Variants in LRP4 observed in about 807,000 individuals in gnomAD.
The protein encoded by LRP4 is low-density lipoprotein receptor-related protein 4.
LRP4 carries 95 observed loss-of-function variants against 220.3 expected under a neutral mutation model. That is an observed-to-expected ratio of 0.43 (90% CI 0.37 to 0.51). The LOEUF (loss-of-function observed/expected upper bound fraction) is 0.51. Among genes scored for constraint, LRP4 ranks in the 20% least tolerant of loss-of-function variants. The pLI is 0.00. For missense variants in LRP4, 1,925 were observed against 2,567.0 expected (o/e 0.75, Z 5.40); for synonymous variants, 903 against 954.6 (o/e 0.95, Z 1.00).
At chr11:46,917,119 T>C (rs959264420) in intron 1 of LRP4, among the ~76,000 whole-genome samples, 1 of 152,238 alleles carries the variant, frequency 6.6e-6, no homozygotes, top group African/African-American at 2.4e-5. Context: ...AACCAATCTT[T>C]AAAACGAGTG....
intron 31 of LRP4, 126 bp downstream of exon 31, chr11:46,871,399 A>G: frequency 1.3e-6 from 1 of 771,224 alleles, no homozygotes; most frequent in East Asian, 2.7e-5. Context: ...GGCACAGGAA[A>G]AATCCCTAAA....
intron 33 of LRP4, among the ~76,000 whole-genome samples, 157 bp downstream of exon 33, chr11:46,868,443 C>T (rs1433492334): frequency 6.6e-6 from 1 of 152,134 alleles, no homozygotes; most frequent in Non-Finnish European, 1.5e-5. Flanking sequence ...GAGCAATTCC[C>T]AAAACCCAAG....
chr11:46,899,259 A>C lies in LRP4; in HGVS notation c.547+128T>G. On this transcript the variant is annotated intron_variant, in intron 5 of 37. Coordinates refer to ENST00000378623, the MANE Select transcript of LRP4 (RefSeq NM_002334.4). This position sits in a 1 kb window ranked among gnomAD's most constrained non-coding sequence, Gnocchi z 5.9. ...TGCTCCCTCCCTAGCTCAGCCTAGG[A>C]GGAGCTGCTGCTGAGGCACCCATGC... The C allele has an allele frequency of 2.1e-6, 2 of 932,228 alleles. No homozygotes were observed. The highest frequency in any genetic ancestry group is 3.5e-6 in the Non-Finnish European group (2 of 568,830). 57.7% of individuals were successfully genotyped at this position (932,228 alleles called of 1,614,324 possible). A position where few individuals can be genotyped will look rare whatever the true frequency, so the allele number is the denominator to read the frequency against.
At chr11:46,894,240 A>G (rs1194884652) in intron 12 of LRP4, among the ~76,000 whole-genome samples, 1 of 152,154 alleles carries the variant, frequency 6.6e-6, no homozygotes, top group African/African-American at 2.4e-5. Flanking sequence ...ATCCAGGTCA[A>G]TCAGAATATT....
chr11:46,868,456 G>A (rs1940761208), intron 33 of LRP4, 144 bp downstream of exon 33: 2 of 726,812 alleles, frequency 2.8e-6, no homozygotes, highest in Middle Eastern at 3.7e-4. Context: ...AACCCAAGCA[G>A]ACTGCTACCA....
intron 18 of LRP4, among the ~76,000 whole-genome samples, 153 bp from the exon 19 acceptor site, chr11:46,884,129 C>T (rs1158286097): frequency 6.6e-6 from 1 of 152,154 alleles, no homozygotes; most frequent in East Asian, 1.9e-4. Flanking sequence ...AATTTAGTGA[C>T]TTGAACTGCA....
Position 46,857,908 on chromosome 11 carries a change from T to C in LRP4, c.*1075A>G, listed in dbSNP as rs930688102. ...GAACATAGGAAGTTCAACAGGAAGT[T>C]TGACCCTCATGGATACTTCTCTTTA... On this transcript the variant is annotated 3_prime_UTR_variant, in exon 38 of 38. Coordinates refer to ENST00000378623, the MANE Select transcript of LRP4 (RefSeq NM_002334.4). 6.6e-6 allele frequency: 1 copy of C among 152,646 alleles called. No homozygotes were observed. Among genetic ancestry groups the C allele is most frequent in the Non-Finnish European group, 1.5e-5 (1 of 68,040 alleles). 9.5% of individuals were successfully genotyped at this position (152,646 alleles called of 1,614,324 possible). A position where few individuals can be genotyped will look rare whatever the true frequency, so the allele number is the denominator to read the frequency against.
rs1375253617 is a variant in LRP4, at chr11:46,873,417, C to G, written c.4406G>C (p.Ser1469Thr). Residue 1469 changes from serine to threonine, a missense_variant, in exon 29 of 38, where the codon AGC becomes ACC. Ser to Thr is a moderately conservative substitution (Grantham distance 58, BLOSUM62 1). Transcript: ENST00000378623. The surrounding 1 kb of genome is among the most constrained non-coding windows in gnomAD (Gnocchi z 4.2). Reference sequence around the variant, plus strand: ...AGCAATGGCCCGGGGCTCATCCAGGCTATTGTTGATCAGTACTTTGCGGCA... The same window carrying G: ...AGCAATGGCCCGGGGCTCATCCAGGGTATTGTTGATCAGTACTTTGCGGCA... ...GSCRKVLINN[S>T]LDEPRAIAVF... 1 of 1,614,076 alleles carries G rather than the reference C, an allele frequency of 6.2e-7. No homozygotes were observed.
At chr11:46,881,513 C>A (rs964066186) in intron 20 of LRP4, among the ~76,000 whole-genome samples, 189 bp downstream of exon 20, 1 of 152,170 alleles carries the variant, frequency 6.6e-6, no homozygotes, top group Non-Finnish European at 1.5e-5. Context: ...CTTTCCCACC[C>A]CTGCCCCCAA....
At chr11:46,884,881 C>T (rs1354216744) in intron 18 of LRP4, among the ~76,000 whole-genome samples, 3 of 152,110 alleles carry the variant, frequency 2.0e-5, no homozygotes, top group African/African-American at 7.2e-5. Flanking sequence ...CGCTGCACTC[C>T]AGCCTGGGCA....
chr11:46,875,127 T>G lies in LRP4; in HGVS notation c.3926-24A>C, dbSNP rs767968773. ...ACCTGGTGATGAGAAGCACAAGTAT[T>G]CACACCTAGCCTGGAACATCATCTG... On this transcript the variant is annotated intron_variant, in intron 27 of 37. Transcript: ENST00000378623. The surrounding 1 kb of genome is among the most constrained non-coding windows in gnomAD (Gnocchi z 4.5). 6.2e-7 allele frequency: 1 copy of G among 1,606,942 alleles called. No individual in the cohort carries two copies. Among genetic ancestry groups the G allele is most frequent in the East Asian group, 2.2e-5 (1 of 44,880 alleles).
At chr11:46,906,731 T>C (rs1392933168) in intron 1 of LRP4, among the ~76,000 whole-genome samples, 1 of 152,152 alleles carries the variant, frequency 6.6e-6, no homozygotes, top group Non-Finnish European at 1.5e-5. Flanking sequence ...TTTGTTTTTT[T>C]AGGGCCCCAC....
intron 13 of LRP4, among the ~76,000 whole-genome samples, chr11:46,891,739 C>T (rs895321367): frequency 3.9e-5 from 6 of 152,092 alleles, no homozygotes; most frequent in Non-Finnish European, 7.4e-5. Context: ...CCTCAGCCTC[C>T]TGTGTAGTTG....
intron 37 of LRP4, among the ~76,000 whole-genome samples, chr11:46,861,459 G>A (rs969249390): frequency 6.0e-5 from 9 of 149,182 alleles, no homozygotes; most frequent in Admixed American, 1.3e-4. Flanking sequence ...AAAAAAACAA[G>A]GCTTATATTG....
chr11:46,876,319 G>A lies in LRP4; in HGVS notation c.3536+147C>T, dbSNP rs74395232. ...CTTCTACACTGTACTGTCACCCTGC[G>A]AGAAGTCACAAGAGAGTGGAAGAGC... On this transcript the variant is annotated intron_variant, in intron 25 of 37. Coordinates refer to ENST00000378623, the MANE Select transcript of LRP4 (RefSeq NM_002334.4). The A allele has an allele frequency of 0.019, 17,045 of 874,970 alleles. 1,903 individuals are homozygous for A. In the African/African-American group the frequency reaches 0.24, roughly 13 times the overall value. The allele number at this position is 874,970 out of a possible 1,614,324, so 54.2% of individuals were successfully genotyped here. A position where few individuals can be genotyped will look rare whatever the true frequency, so the allele number is the denominator to read the frequency against.
chr11:46,917,250 C>G (rs1038470885), intron 1 of LRP4, among the ~76,000 whole-genome samples: 16 of 152,230 alleles, frequency 1.1e-4, no homozygotes, highest in Admixed American at 5.2e-4. Flanking sequence ...CAGACCCCTC[C>G]ATTCTGAGCC....
In LRP4 at chr11:46,862,623, G is replaced by T. The variant is rs569930780; in HGVS notation, c.5368C>A (p.Leu1790Met). The T allele has an allele frequency of 1.2e-6, 2 of 1,614,100 alleles. No individual in the cohort carries two copies. Among genetic ancestry groups the T allele is most frequent in the East Asian group, 2.2e-5 (1 of 44,878 alleles). ...AIPKPAMYNQLCYKKEGGPDH... is the reference protein window; with the variant it reads ...AIPKPAMYNQMCYKKEGGPDH... ...ATTTTTACCTCTTTCTTATAGCACAGCTGGTTGTACATGGCTGGTTTGGGG... is the reference window on the plus strand; with the variant it reads ...ATTTTTACCTCTTTCTTATAGCACATCTGGTTGTACATGGCTGGTTTGGGG... The change falls in exon 37 of 38, where the codon CTG becomes ATG. Residue 1790 changes from leucine to methionine, a missense_variant. Transcript: ENST00000378623.
At chr11:46,906,542 A>G (rs1941763204) in intron 1 of LRP4, among the ~76,000 whole-genome samples, 1 of 152,272 alleles carries the variant, frequency 6.6e-6, no homozygotes, top group South Asian at 2.1e-4. Flanking sequence ...AAGATGTTCA[A>G]TAATGGAGGC....
chr11:46,869,259 T>G, intron 31 of LRP4, 127 bp from the exon 32 acceptor site: 1 of 866,062 alleles, frequency 1.2e-6, no homozygotes, highest in Non-Finnish European at 1.9e-6. Flanking sequence ...TCTTCCTCAT[T>G]TCTGTGCATC....
Sources: gnomAD v4.1 joint callset for allele counts (sites outside exome capture counted in the v4.1 genomes callset) on GRCh38, gnomAD v4.1.1 for gene constraint, Gnocchi (gnomAD v3.1) non-coding constraint, MANE v1.5 for transcripts, NCBI Gene and HGNC (gene_info 2026-07-23, HGNC 2026-07-21) for gene names.